RALYL: variants seen among roughly 807,000 people sequenced by gnomAD.
RALYL encodes RALY RNA binding protein like, also known as RNA-binding Raly-like protein.
Under a neutral mutation model 35.1 loss-of-function variants are expected in RALYL, and 29 were observed. The ratio of observed to expected loss-of-function variants is 0.83; its 90% CI spans 0.61 to 1.13. The LOEUF (loss-of-function observed/expected upper bound fraction) is 1.13, where lower values mean the gene tolerates loss of function less well. Among genes scored for constraint, RALYL ranks in the 50% most tolerant of loss-of-function variants. The probability of loss-of-function intolerance (pLI) is 0.00; values close to 1 mark genes in which losing one functional copy is unlikely to be tolerated. For missense variants in RALYL, 359 were observed against 360.4 expected (o/e 1.00, Z 0.03); for synonymous variants, 120 against 127.6 (o/e 0.94, Z 0.40).
At chr8:84,412,354 C>T (rs2044192117) in intron 1 of RALYL, among the ~76,000 whole-genome samples, 1 of 151,852 alleles carries the variant, frequency 6.6e-6, no homozygotes, top group Non-Finnish European at 1.5e-5. Context: ...GTAGTAATAA[C>T]ATATTTTCTG....
intron 1 of RALYL, among the ~76,000 whole-genome samples, chr8:84,331,796 A>C (rs368222970): frequency 2.4e-4 from 37 of 152,278 alleles, no homozygotes; most frequent in East Asian, 1.9e-3. Context: ...CATTAAACAC[A>C]TGCTGACTTA....
intron 2 of RALYL, among the ~76,000 whole-genome samples, chr8:84,645,202 T>A (rs1827226985): frequency 6.6e-6 from 1 of 152,022 alleles, no homozygotes. Context: ...ATGTTGTAAT[T>A]ACTGAATATA....
Position 84,868,582 on chromosome 8 carries a change from A to G in RALYL, c.572-4702A>G, listed in dbSNP as rs188745110. Among the ~76,000 whole-genome samples, 157 of 152,308 alleles carry G rather than the reference A, an allele frequency of 1.0e-3. 1 individual carries two copies. The highest frequency in any genetic ancestry group is 3.2e-3 in the African/African-American group (134 of 41,570). On this transcript the variant is annotated intron_variant, in intron 6 of 8. Coordinates refer to ENST00000521268, the MANE Select transcript of RALYL (RefSeq NM_173848.7). ...TAAGTTTAACAATTCTGATTTGCATATTGGGAATAAATTAAATGATACACT... is the reference window on the plus strand; with the variant it reads ...TAAGTTTAACAATTCTGATTTGCATGTTGGGAATAAATTAAATGATACACT...
intron 2 of RALYL, chr8:84,706,110 A>G: frequency 6.7e-7 from 1 of 1,501,724 alleles, no homozygotes; most frequent in Non-Finnish European, 8.9e-7. Flanking sequence ...TAGGGAAAAC[A>G]TACTTGATTT....
intron 6 of RALYL, among the ~76,000 whole-genome samples, chr8:84,868,752 G>A: frequency 6.6e-6 from 1 of 151,984 alleles, no homozygotes; most frequent in South Asian, 2.1e-4. Flanking sequence ...GTAGGCATAA[G>A]TATTATGAAT....
At chr8:84,278,413 GA>G (rs2132045321) in intron 1 of RALYL, among the ~76,000 whole-genome samples, 1 of 152,374 alleles carries the variant, frequency 6.6e-6, no homozygotes, top group East Asian at 1.9e-4. Flanking sequence ...GAGCTGCCAT[GA>G]AGGTCTGTGG....
intron 3 of RALYL, among the ~76,000 whole-genome samples, chr8:84,783,403 A>G (rs1419060270): frequency 6.6e-6 from 1 of 152,170 alleles, no homozygotes; most frequent in South Asian, 2.1e-4. Context: ...TTACCTTTTT[A>G]TGTAGCTAAA....
chr8:84,480,812 A>G (rs944560619), intron 1 of RALYL, among the ~76,000 whole-genome samples: 38 of 152,312 alleles, frequency 2.5e-4, no homozygotes, highest in African/African-American at 9.1e-4. Context: ...CTATGAAAAT[A>G]TGCCCAAAGT....
Position 84,757,373 on chromosome 8 carries a change from A to G in RALYL, c.257-17206A>G, listed in dbSNP as rs139223438. ...AATGGAGACCAATTTATATACAAGT[A>G]CAGTTTTTCCTGTTGCAACATTTCG... On this transcript the variant is annotated intron_variant, in intron 2 of 8. Coordinates refer to ENST00000521268, the MANE Select transcript of RALYL (RefSeq NM_173848.7). Among the ~76,000 whole-genome samples, 73 of 152,262 alleles carry G rather than the reference A, an allele frequency of 4.8e-4. No homozygotes were observed. In the East Asian group the frequency reaches 0.013, roughly 27 times the overall value.
chr8:84,686,030 A>T (rs1476850166), intron 2 of RALYL, among the ~76,000 whole-genome samples: 3 of 152,174 alleles, frequency 2.0e-5, no homozygotes, highest in Non-Finnish European at 4.4e-5. Context: ...CATTTTGTGT[A>T]TCTCCACTTA....
At chr8:84,509,711 T>C (rs1478496669) in intron 1 of RALYL, among the ~76,000 whole-genome samples, 5 of 152,268 alleles carry the variant, frequency 3.3e-5, no homozygotes, top group African/African-American at 1.2e-4. Context: ...GTAAAGTGTT[T>C]GTCTAGATTC....
At chr8:84,184,999 A>G (rs1245611138) in intron 1 of RALYL, 30 of 1,613,798 alleles carry the variant, frequency 1.9e-5, no homozygotes, top group Middle Eastern at 1.6e-4. Flanking sequence ...CCTCTTCGCA[A>G]TGAGTAAACG....
intron 2 of RALYL, among the ~76,000 whole-genome samples, chr8:84,602,540 C>T (rs549863018): frequency 4.6e-5 from 7 of 152,158 alleles, no homozygotes; most frequent in Admixed American, 3.3e-4. Flanking sequence ...TTAATAGAAA[C>T]GTATTGGAGG....
chr8:84,782,675 G>A lies in RALYL; in HGVS notation c.332+8021G>A, dbSNP rs528350998. 2.0e-5 allele frequency among the ~76,000 whole-genome samples: 3 copies of A among 152,310 alleles called. No individual in the cohort carries two copies. In the East Asian group the frequency reaches 5.8e-4, roughly 29 times the overall value. ...TGCTATATTCTCCTGGCATCTCACT[G>A]TGGGGTATTGCGGTTAGAGCACCAA... On this transcript the variant is annotated intron_variant, in intron 3 of 8. Coordinates refer to ENST00000521268, the MANE Select transcript of RALYL (RefSeq NM_173848.7).
intron 2 of RALYL, among the ~76,000 whole-genome samples, chr8:84,559,771 C>G (rs1588175763): frequency 6.6e-6 from 1 of 151,868 alleles, no homozygotes; most frequent in Non-Finnish European, 1.5e-5. Flanking sequence ...CAGGATATGA[C>G]CAAGCTGTGG....
At chr8:84,213,689 A>G (rs1820091595) in intron 1 of RALYL, among the ~76,000 whole-genome samples, 1 of 152,182 alleles carries the variant, frequency 6.6e-6, no homozygotes, top group South Asian at 2.1e-4. Context: ...CATAAATCCC[A>G]CTTTGAAAAC....
At chr8:84,364,650 T>A (rs185389242) in intron 1 of RALYL, among the ~76,000 whole-genome samples, 209 of 152,268 alleles carry the variant, frequency 1.4e-3, no homozygotes, top group African/African-American at 4.5e-3. Context: ...TGTGTAAAAG[T>A]TGTGTATATT....
At chr8:84,404,700 G>A (rs916368755) in intron 1 of RALYL, among the ~76,000 whole-genome samples, 12 of 152,138 alleles carry the variant, frequency 7.9e-5, no homozygotes, top group Non-Finnish European at 1.8e-4. Flanking sequence ...AAGAGTTAGG[G>A]AGGAGTCTCT....
intron 7 of RALYL, among the ~76,000 whole-genome samples, chr8:84,887,083 C>A (rs1843010678): frequency 6.6e-6 from 1 of 151,858 alleles, no homozygotes; most frequent in Non-Finnish European, 1.5e-5. Context: ...ATTATTCACA[C>A]AGACATGTTG....
Sources: gnomAD v4.1 joint callset for allele counts (sites outside exome capture counted in the v4.1 genomes callset) on GRCh38, gnomAD v4.1.1 for gene constraint, MANE v1.5 for transcripts, NCBI Gene and HGNC (gene_info 2026-07-23, HGNC 2026-07-21) for gene names.